The following RFT1 variants were observed in gnomAD, a reference collection of about 807,000 sequenced individuals.
RFT1 encodes RFT1 glycolipid translocator homolog.
In RFT1, 43 loss-of-function variants were observed where a neutral mutation model predicts 62.2. The ratio of observed to expected loss-of-function variants is 0.69; its 90% CI spans 0.54 to 0.89. The LOEUF is 0.89. RFT1 is among the 40% of genes least tolerant of loss of function. The pLI, the probability that RFT1 is intolerant of heterozygous loss-of-function variation, is 0.00. For synonymous variants in RFT1, 262 were observed against 264.6 expected, an observed-to-expected ratio of 0.99 and a Z score of 0.10; for missense variants, 605 against 649.9, an observed-to-expected ratio of 0.93 and a Z score of 0.75.
At chr3:53,081,144 A>ATAAGAACCAGCCCAAATGAAGC in the RFT1 span, among the ~76,000 whole-genome samples, 2 of 152,180 alleles carry the variant, frequency 1.3e-5, no homozygotes, top group South Asian at 4.1e-4. Context: ...TGAGGACATC[A>ATAAGAACCAGCCCAAATGAAGC]TAAGAACCAG....
intron 6 of RFT1, among the ~76,000 whole-genome samples, chr3:53,113,188 A>T (rs1038156924): frequency 6.6e-6 from 1 of 151,800 alleles, no homozygotes; most frequent in African/African-American, 2.4e-5. Flanking sequence ...GCTCATTTTT[A>T]AAATTTTTGT....
chr3:53,110,387 G>A (rs797000908), intron 7 of RFT1, among the ~76,000 whole-genome samples: 2 of 152,278 alleles, frequency 1.3e-5, no homozygotes, highest in African/African-American at 2.4e-5. Context: ...AGTAGTGAAC[G>A]GCACAGTCTC....
intron 6 of RFT1, among the ~76,000 whole-genome samples, chr3:53,117,999 C>T (rs919943574): frequency 1.3e-5 from 2 of 152,216 alleles, no homozygotes; most frequent in Admixed American, 6.5e-5. Flanking sequence ...AAGCGACCCT[C>T]CCACCTCAGC....
Position 53,107,436 on chromosome 3 carries a change from C to A in RFT1, c.776-567G>T, listed in dbSNP as rs146940677. On this transcript the variant is annotated intron_variant, in intron 7 of 12. Transcript: ENST00000296292. ...ACAGGCGTAAGCCACCACGCCCAGC[C>A]CTAAAAATAAGTTTTTAAAAAAGTA... 1.1e-3 allele frequency among the ~76,000 whole-genome samples: 160 copies of A among 151,528 alleles called. 3 individuals are homozygous for A. In the East Asian group the frequency reaches 0.031, roughly 29 times the overall value.
At chr3:53,128,330 C>T (rs1320150553) in intron 1 of RFT1, among the ~76,000 whole-genome samples, 1 of 152,074 alleles carries the variant, frequency 6.6e-6, no homozygotes, top group Non-Finnish European at 1.5e-5. Flanking sequence ...TGTGTACATA[C>T]TTATGTTAAC....
downstream of RFT1, among the ~76,000 whole-genome samples, chr3:53,084,962 A>G (rs1415141355): frequency 6.6e-6 from 1 of 152,114 alleles, no homozygotes; most frequent in African/African-American, 2.4e-5. Context: ...TGCTCAGGCC[A>G]GGGTGGCCCA....
rs759258492 is a variant in RFT1 at position 53,119,209 on chromosome 3, G to GA, written c.696+674dup. On this transcript the variant is annotated intron_variant, in intron 6 of 12. Coordinates refer to ENST00000296292, the MANE Select transcript of RFT1 (RefSeq NM_052859.4). Reference sequence around the variant, plus strand: ...ACAGAATGAGACACTGTCTCAAGGAGAAAAAAAAAAAAAGACCATTTTGGG... The same window carrying GA: ...ACAGAATGAGACACTGTCTCAAGGAGAAAAAAAAAAAAAAGACCATTTTGGG... 2.8e-3 allele frequency among the ~76,000 whole-genome samples: 381 copies of GA among 136,612 alleles called. 4 individuals carry two copies. In the East Asian group the frequency reaches 0.041, roughly 15 times the overall value. The allele number at this position is 136,612 out of a possible 152,430, so 89.6% of individuals were successfully genotyped here.
chr3:53,080,835 G>A, the RFT1 span, among the ~76,000 whole-genome samples: 1 of 152,194 alleles, frequency 6.6e-6, no homozygotes, highest in Non-Finnish European at 1.5e-5. Context: ...GGGTAGCTGG[G>A]CTGGGTCCAG....
chr3:53,077,499 C>T, the RFT1 span, among the ~76,000 whole-genome samples: 1 of 152,264 alleles, frequency 6.6e-6, no homozygotes, highest in African/African-American at 2.4e-5. Flanking sequence ...GAGGCCCTGT[C>T]GCCCACAGAA....
At chr3:53,093,835 A>G (rs772176759) in intron 11 of RFT1, among the ~76,000 whole-genome samples, 11 of 152,174 alleles carry the variant, frequency 7.2e-5, no homozygotes, top group Admixed American at 5.9e-4. Flanking sequence ...AGCCTGGGCA[A>G]TATCATGAGA....
the RFT1 span, among the ~76,000 whole-genome samples, chr3:53,073,600 A>G: frequency 6.6e-6 from 1 of 152,210 alleles, no homozygotes; most frequent in Admixed American, 6.5e-5. Flanking sequence ...CCCTGAGCCC[A>G]TCATTCCCTT....
chr3:53,107,380 G>A (rs1419812239), intron 7 of RFT1, among the ~76,000 whole-genome samples: 1 of 151,984 alleles, frequency 6.6e-6, no homozygotes, highest in African/African-American at 2.4e-5. Context: ...CTCGTGATCT[G>A]CCCACCTCAG....
the RFT1 span, among the ~76,000 whole-genome samples, chr3:53,081,147 A>G: frequency 6.6e-6 from 1 of 152,226 alleles, no homozygotes; most frequent in African/African-American, 2.4e-5. Context: ...GGACATCATA[A>G]GAACCAGCCC....
chr3:53,076,826 AG>A, the RFT1 span, among the ~76,000 whole-genome samples: 2 of 152,080 alleles, frequency 1.3e-5, no homozygotes, highest in Non-Finnish European at 2.9e-5. Context: ...ACACACTTGT[AG>A]TCCCAGCGAC....
Position 53,090,662 on chromosome 3 carries a change from G to A in RFT1, c.*1241C>T, listed in dbSNP as rs2107064783. On this transcript the variant is annotated 3_prime_UTR_variant, in exon 13 of 13. Transcript: ENST00000296292. ...CTTACTGGCCCTCTCTCTAGGTGTAGACACAGAAGGTTTGGGGCACTGAGT... is the reference window on the plus strand; with the variant it reads ...CTTACTGGCCCTCTCTCTAGGTGTAAACACAGAAGGTTTGGGGCACTGAGT... The A allele has an allele frequency of 6.6e-6, 1 of 152,348 alleles. No individual in the cohort carries two copies. The highest frequency in any genetic ancestry group is 2.1e-4 in the South Asian group (1 of 4,826). 9.4% of individuals were successfully genotyped at this position (152,348 alleles called of 1,614,324 possible). A position where few individuals can be genotyped will look rare whatever the true frequency, so the allele number is the denominator to read the frequency against.
At chr3:53,078,066 AG>A in the RFT1 span, 1 of 152,144 alleles carries the variant, frequency 6.6e-6, no homozygotes, top group Non-Finnish European at 1.5e-5. Context: ...AGGCTCTCTT[AG>A]GGGCGAGGCT....
At position 53,091,964 on chromosome 3, in the gene RFT1, T is replaced by C. The variant is rs1392473754; in HGVS notation, c.1565A>G (p.Lys522Arg). ...TLGTAFLTETKLIHFLRTQLG... is the reference protein window; with the variant it reads ...TLGTAFLTETRLIHFLRTQLG... ...CTGAGTCCTGAGGAAATGGATCAGC[T>C]TGGTCTCTGTGAGGAATGCTGTCCC... is the stretch of plus-strand genomic sequence containing the variant. Residue 522 changes from lysine (K) to arginine (R), a missense_variant, in exon 13 of 13, where the codon AAG becomes AGG. Lys to Arg is a conservative substitution (Grantham distance 26). Coordinates refer to ENST00000296292, the MANE Select transcript of RFT1 (RefSeq NM_052859.4). The C allele has an allele frequency of 5.0e-6, 8 of 1,614,126 alleles. No homozygotes were observed. The highest frequency in any genetic ancestry group is 6.8e-6 in the Non-Finnish European group (8 of 1,180,050).
intron 8 of RFT1, 137 bp from the exon 9 acceptor site, chr3:53,105,940 GAAGT>G (rs1472674008): frequency 1.3e-5 from 12 of 919,040 alleles, no homozygotes; most frequent in Non-Finnish European, 1.9e-5. Flanking sequence ...AGAGTTATAA[GAAGT>G]AATAGTGGCC....
At chr3:53,111,977 G>T in intron 6 of RFT1, 69 bp from the exon 7 acceptor site, 2 of 1,238,998 alleles carry the variant, frequency 1.6e-6, no homozygotes, top group Non-Finnish European at 2.4e-6. Flanking sequence ...AATGCTACAT[G>T]AGAGGCAAAT....
Sources: allele counts gnomAD v4.1 joint callset (sites outside exome capture counted in the v4.1 genomes callset), GRCh38; gene constraint gnomAD v4.1.1; transcripts MANE v1.5; gene names NCBI Gene and HGNC (gene_info 2026-07-23, HGNC 2026-07-21).